The following ZSWIM2 variants were observed in gnomAD, a reference collection of about 807,000 sequenced individuals.
ZSWIM2 encodes the protein E3 ubiquitin-protein ligase ZSWIM2.
ZSWIM2 carries 38 observed loss-of-function variants against 48.4 expected under a neutral mutation model. That is an observed-to-expected ratio of 0.79 (90% CI 0.61 to 1.03). The LOEUF is 1.03. Ranked by LOEUF, ZSWIM2 falls within the 50% of genes least tolerant of loss-of-function variation. The pLI is 0.00. For synonymous variants in ZSWIM2, 240 were observed against 251.3 expected (o/e 0.96, Z 0.42); for missense variants, 776 against 730.2 (o/e 1.06, Z -0.72).
At chr2:186,847,366 T>C (rs1319010571) in intron 2 of ZSWIM2, among the ~76,000 whole-genome samples, 1 of 152,074 alleles carries the variant, frequency 6.6e-6, no homozygotes, top group African/African-American at 2.4e-5. Flanking sequence ...ACACAATTTG[T>C]GGAAGCACAG....
chr2:186,841,627 G>A (rs1199918987), intron 3 of ZSWIM2, among the ~76,000 whole-genome samples: 1 of 151,294 alleles, frequency 6.6e-6, no homozygotes, highest in Non-Finnish European at 1.5e-5. Context: ...ATGCCTAATA[G>A]TGGAAGAATG....
intron 2 of ZSWIM2, among the ~76,000 whole-genome samples, chr2:186,845,177 A>T (rs56002121): frequency 0.58 from 82,538 of 142,172 alleles, 23,869 homozygotes; most frequent in East Asian, 0.85. Flanking sequence ...ATATAAAAAA[A>T]TTTTTTTTAA....
In ZSWIM2 at chr2:186,847,701, A is replaced by G; in HGVS notation, c.242+18T>C. 6.3e-7 allele frequency: 1 copy of G among 1,577,672 alleles called. No homozygotes were observed. Among genetic ancestry groups the G allele is most frequent in the African/African-American group, 1.4e-5 (1 of 73,670 alleles). Reference sequence around the variant, plus strand: ...AGATGTTCCTTCATGGAAGATCTTCATTTGAAAAGTCACTTACCAGCAGAT... The same window carrying G: ...AGATGTTCCTTCATGGAAGATCTTCGTTTGAAAAGTCACTTACCAGCAGAT... On this transcript the variant is annotated intron_variant, in intron 2 of 8. Coordinates refer to ENST00000295131, the MANE Select transcript of ZSWIM2 (RefSeq NM_182521.3).
intron 7 of ZSWIM2, among the ~76,000 whole-genome samples, chr2:186,831,078 T>C (rs1244100717): frequency 6.6e-6 from 1 of 152,162 alleles, no homozygotes; most frequent in African/African-American, 2.4e-5. Flanking sequence ...TATTCCATTT[T>C]CTCTGCCTAA....
At chr2:186,843,864 C>G (rs1011996887) in intron 3 of ZSWIM2, among the ~76,000 whole-genome samples, 8 of 151,520 alleles carry the variant, frequency 5.3e-5, no homozygotes, top group Non-Finnish European at 1.2e-4. Context: ...CTGTGAAACA[C>G]TAATGGTAAT....
intron 3 of ZSWIM2, among the ~76,000 whole-genome samples, chr2:186,840,806 C>T (rs1217798278): frequency 6.6e-6 from 1 of 151,294 alleles, no homozygotes; most frequent in Non-Finnish European, 1.5e-5. Context: ...TTTAATAACA[C>T]AAAAACTCCT....
intron 3 of ZSWIM2, among the ~76,000 whole-genome samples, chr2:186,840,853 A>G (rs905547676): frequency 3.3e-5 from 5 of 151,552 alleles, no homozygotes; most frequent in Admixed American, 6.6e-5. Flanking sequence ...TAGAGAAAAA[A>G]CTTATAGCAG....
chr2:186,830,820 C>A (rs979654768), intron 7 of ZSWIM2, among the ~76,000 whole-genome samples: 1 of 151,804 alleles, frequency 6.6e-6, no homozygotes, highest in African/African-American at 2.4e-5. Flanking sequence ...AACAGAACAA[C>A]AAATCTTTAA....
chr2:186,832,499 C>T (rs930510007), intron 7 of ZSWIM2, among the ~76,000 whole-genome samples: 1 of 152,070 alleles, frequency 6.6e-6, no homozygotes, highest in African/African-American at 2.4e-5. Flanking sequence ...AATCAATGTT[C>T]TGAAATATAA....
Position 186,838,960 on chromosome 2 carries a change from T to A in ZSWIM2, c.493A>T (p.Arg165Trp). The A allele has an allele frequency of 6.2e-7, 1 of 1,605,578 alleles. No homozygotes were observed. Residue 165 changes from arginine to tryptophan, a missense_variant and splice_region_variant, in exon 4 of 9, where the codon AGG (arginine) becomes TGG (tryptophan). Arg to Trp is a moderately radical substitution (Grantham distance 101). Transcript: ENST00000295131. ...LEKKLPVTFC[R>W]FGCGNSIHIK... ...GAATCTAAAGAAAAAGTACATCACC[T>A]GCAAAAGGTGACAGGAAGCTTTTTC...
intron 3 of ZSWIM2, among the ~76,000 whole-genome samples, chr2:186,844,061 G>A (rs1242820275): frequency 6.6e-6 from 1 of 151,530 alleles, no homozygotes; most frequent in Admixed American, 6.6e-5. Flanking sequence ...GCAGTTGTTA[G>A]ATGGGTCTAG....
At chr2:186,841,652 A>G (rs1200642600) in intron 3 of ZSWIM2, among the ~76,000 whole-genome samples, 1 of 151,318 alleles carries the variant, frequency 6.6e-6, no homozygotes, top group East Asian at 1.9e-4. Flanking sequence ...ATTGCTTATA[A>G]TATACCATAT....
At position 186,847,743 on chromosome 2, in the gene ZSWIM2, C is replaced by T. The variant is rs1399363449; in HGVS notation, c.218G>A (p.Gly73Glu). Reference protein sequence around the residue: ...VCNCSTFPKGGELCKHICWVL... With the variant: ...VCNCSTFPKGEELCKHICWVL... ...CCAGCAGATATGCTTACAAAGTTCC[C>T]CTCCTTTCGGAAATGTGGAACAGTT... The change falls in exon 2 of 9, where the codon GGG becomes GAG. Residue 73 changes from glycine to glutamate, a missense_variant. Coordinates refer to ENST00000295131, the MANE Select transcript of ZSWIM2 (RefSeq NM_182521.3). 1 of 1,604,806 alleles carries T rather than the reference C, an allele frequency of 6.2e-7. No homozygotes were observed. The highest frequency in any genetic ancestry group is 1.7e-5 in the Admixed American group (1 of 59,184).
chr2:186,844,634 T>C (rs1691962928), intron 3 of ZSWIM2, 83 bp downstream of exon 3: 1 of 1,360,210 alleles, frequency 7.4e-7, no homozygotes, highest in South Asian at 1.4e-5. Flanking sequence ...TTAGAAAATG[T>C]TAAATAAAAC....
chr2:186,844,716 C>T lies in ZSWIM2; in HGVS notation c.283+1G>A, dbSNP rs555368635. On this transcript the variant is annotated splice_donor_variant, in intron 3 of 8. Transcript: ENST00000295131. LOFTEE classifies it high-confidence loss of function. The stretch of plus-strand genomic sequence containing the variant: ...CAAAAAACCCAAACCCCAAAACTTA[C>T]ATTCATGGTTCCTTGGAAGCTTGAA... The T allele has an allele frequency of 4.4e-5, 68 of 1,552,202 alleles. No homozygotes were observed. Among genetic ancestry groups the T allele is most frequent in the Middle Eastern group, 1.7e-4 (1 of 5,856 alleles).
chr2:186,846,617 T>C (rs1038906954), intron 2 of ZSWIM2, among the ~76,000 whole-genome samples: 3 of 151,742 alleles, frequency 2.0e-5, no homozygotes, highest in African/African-American at 7.3e-5. Flanking sequence ...GACCCAGCAA[T>C]CCTATTCCTG....
At chr2:186,847,327 T>G (rs1183570714) in intron 2 of ZSWIM2, among the ~76,000 whole-genome samples, 1 of 152,038 alleles carries the variant, frequency 6.6e-6, no homozygotes, top group Non-Finnish European at 1.5e-5. Context: ...AATGGAACAT[T>G]TGATATTCAA....
chr2:186,846,827 A>ATATATATAT (rs57335605), intron 2 of ZSWIM2, among the ~76,000 whole-genome samples: 1 of 142,526 alleles, frequency 7.0e-6, no homozygotes, highest in Non-Finnish European at 1.6e-5. Context: ...ATATATATAT[A>ATATATATAT]ATGTAATAGA....
intron 7 of ZSWIM2, 66 bp from the exon 8 acceptor site, chr2:186,829,946 C>T: frequency 3.3e-6 from 5 of 1,513,852 alleles, no homozygotes; most frequent in Non-Finnish European, 4.5e-6. Flanking sequence ...TGATCAATAG[C>T]ACAGGTAAAT....
Sources: allele counts gnomAD v4.1 joint callset (sites outside exome capture counted in the v4.1 genomes callset), GRCh38; gene constraint gnomAD v4.1.1; transcripts MANE v1.5; gene names NCBI Gene and HGNC (gene_info 2026-07-23, HGNC 2026-07-21).